GABRA1: variants seen among roughly 807,000 people sequenced by gnomAD.
GABRA1 encodes the protein gamma-aminobutyric acid receptor subunit alpha-1.
Under a neutral mutation model 48.9 loss-of-function variants are expected in GABRA1, and 9 were observed. The observed-to-expected ratio is 0.18, with a 90% confidence interval of 0.11 to 0.32. GABRA1 has a LOEUF of 0.32. GABRA1 is among the 10% of genes least tolerant of loss of function. The pLI, the probability that GABRA1 is intolerant of heterozygous loss-of-function variation, is 1.00. For synonymous variants in GABRA1, 210 were observed against 198.7 expected, an observed-to-expected ratio of 1.06 and a Z score of -0.48; for missense variants, 285 against 553.8, an observed-to-expected ratio of 0.51 and a Z score of 4.87.
intron 3 of GABRA1, among the ~76,000 whole-genome samples, chr5:161,865,369 A>C (rs987536138): frequency 2.6e-5 from 4 of 152,126 alleles, no homozygotes; most frequent in Non-Finnish European, 5.9e-5. Flanking sequence ...GCCATGTAAA[A>C]ATACTTAAGC....
chr5:161,865,220 G>A (rs1013989261), intron 3 of GABRA1, among the ~76,000 whole-genome samples: 1 of 152,068 alleles, frequency 6.6e-6, no homozygotes, highest in Admixed American at 6.6e-5. Context: ...GGGAATAATT[G>A]GATAACTCAG....
At chr5:161,896,059 G>A (rs1342926934) in intron 9 of GABRA1, among the ~76,000 whole-genome samples, 191 bp downstream of exon 9, 44 of 152,260 alleles carry the variant, frequency 2.9e-4, no homozygotes, top group Admixed American at 2.9e-3. Context: ...TAGGTGAATA[G>A]ATGTACAAAG....
rs531048088 is a variant in GABRA1 at position 161,861,414 on chromosome 5, C to T, written c.188-4307C>T. Among the ~76,000 whole-genome samples, 6 of 151,952 alleles carry T rather than the reference C, an allele frequency of 3.9e-5. No individual in the cohort carries two copies. In the East Asian group the frequency reaches 9.7e-4, roughly 25 times the overall value. ...TAGCCCTATGTCCATAGAAACTGCTCATATTACAGCATATGGAGGTAATTT... is the reference window on the plus strand; with the variant it reads ...TAGCCCTATGTCCATAGAAACTGCTTATATTACAGCATATGGAGGTAATTT... On this transcript the variant is annotated intron_variant, in intron 3 of 9. Coordinates refer to ENST00000393943, the MANE Select transcript of GABRA1 (RefSeq NM_001127644.2).
chr5:161,875,062 C>T (rs1356750970), intron 5 of GABRA1, among the ~76,000 whole-genome samples: 1 of 152,080 alleles, frequency 6.6e-6, no homozygotes, highest in East Asian at 1.9e-4. Context: ...CTCACAAAGC[C>T]TGAGGACACA....
chr5:161,897,666 G>A lies in GABRA1; in HGVS notation c.*244G>A. On this transcript the variant is annotated 3_prime_UTR_variant, in exon 10 of 10. Transcript: ENST00000393943. ...AGCAAAGTCATGTCAGAAGGAGACA[G>A]AATGAGAGAGAAAAGAGGGGGAAGA... 2 of 469,728 alleles carry A rather than the reference G, an allele frequency of 4.3e-6. No individual in the cohort carries two copies. Among genetic ancestry groups the A allele is most frequent in the South Asian group, 3.1e-5 (1 of 31,886 alleles). The allele number at this position is 469,728 out of a possible 1,614,324, so 29.1% of individuals were successfully genotyped here. A position where few individuals can be genotyped will look rare whatever the true frequency, so the allele number is the denominator to read the frequency against.
chr5:161,897,688 A>G lies in GABRA1; in HGVS notation c.*266A>G. ...ACAGAATGAGAGAGAAAAGAGGGGG[A>G]AGATGGTTCAAAGATACAAGAAAAA... On this transcript the variant is annotated 3_prime_UTR_variant, in exon 10 of 10. Transcript: ENST00000393943. 1 of 425,302 alleles carries G rather than the reference A, an allele frequency of 2.4e-6. No homozygotes were observed. Among genetic ancestry groups the G allele is most frequent in the Non-Finnish European group, 4.2e-6 (1 of 239,552 alleles). The allele number at this position is 425,302 out of a possible 1,614,324, so 26.3% of individuals were successfully genotyped here. A position where few individuals can be genotyped will look rare whatever the true frequency, so the allele number is the denominator to read the frequency against.
chr5:161,894,585 T>A (rs1254514850), intron 8 of GABRA1, among the ~76,000 whole-genome samples: 1 of 152,194 alleles, frequency 6.6e-6, no homozygotes, highest in Non-Finnish European at 1.5e-5. Flanking sequence ...GGATTGAGAC[T>A]AGTCACTGGA....
upstream of GABRA1, chr5:161,847,269 T>C (rs537839796): frequency 1.3e-5 from 2 of 152,210 alleles, no homozygotes; most frequent in South Asian, 2.1e-4. Flanking sequence ...CCTCTCCCTC[T>C]CCCATTTTCC....
chr5:161,885,462 C>A (rs1754803042), intron 7 of GABRA1, among the ~76,000 whole-genome samples: 1 of 152,114 alleles, frequency 6.6e-6, no homozygotes, highest in Non-Finnish European at 1.5e-5. Flanking sequence ...CTTTAAAATT[C>A]TCCCTGGAGA....
In GABRA1 at chr5:161,899,947, T is replaced by C. The variant is rs1301841968; in HGVS notation, c.*2525T>C. The C allele has an allele frequency of 1.3e-5, 2 of 152,204 alleles. No individual in the cohort carries two copies. The highest frequency in any genetic ancestry group is 4.8e-5 in the African/African-American group (2 of 41,454). The allele number at this position is 152,204 out of a possible 1,614,324, so 9.4% of individuals were successfully genotyped here. On this transcript the variant is annotated 3_prime_UTR_variant, in exon 10 of 10. Transcript: ENST00000393943. The stretch of plus-strand genomic sequence containing the variant: ...GAATAATAAAGCTAACATTATTCAA[T>C]AATAAAATGGAATACTTGACTCTCT...
chr5:161,899,441 G>A lies in GABRA1; in HGVS notation c.*2019G>A, dbSNP rs535774149. On this transcript the variant is annotated 3_prime_UTR_variant, in exon 10 of 10. Transcript: ENST00000393943. ...GTTGCTGTTTATCTTGTTATTTTTC[G>A]GCGTTATACTAATGTGTTTATTGAG... 4 of 151,976 alleles carry A rather than the reference G, an allele frequency of 2.6e-5. No individual in the cohort carries two copies. In the East Asian group the frequency reaches 5.8e-4, roughly 22 times the overall value. 9.4% of individuals were successfully genotyped at this position (151,976 alleles called of 1,614,324 possible).
intron 4 of GABRA1, among the ~76,000 whole-genome samples, chr5:161,868,656 G>A (rs546743889): frequency 3.3e-5 from 5 of 152,174 alleles, no homozygotes; most frequent in South Asian, 4.2e-4. Context: ...CTGGCACCTG[G>A]CATGGTGCTC....
chr5:161,891,462 T>A (rs763453925), intron 8 of GABRA1, among the ~76,000 whole-genome samples: 21 of 152,302 alleles, frequency 1.4e-4, no homozygotes, highest in Admixed American at 6.5e-4. Flanking sequence ...AAGCAGAGCT[T>A]CTTTAAGTAG....
rs1202096942 is a variant in GABRA1 at position 161,897,794 on chromosome 5, G to A, written c.*372G>A. ...TTCCAAATATTCTAAAAAAGATACT[G>A]TATATGTCAAAAATATTTTTATGTG... On this transcript the variant is annotated 3_prime_UTR_variant, in exon 10 of 10. Transcript: ENST00000393943. 1.7e-5 allele frequency: 3 copies of A among 171,950 alleles called. No individual in the cohort carries two copies. Among genetic ancestry groups the A allele is most frequent in the East Asian group, 1.7e-4 (1 of 5,988 alleles). 10.7% of individuals were successfully genotyped at this position (171,950 alleles called of 1,614,324 possible).
intron 3 of GABRA1, among the ~76,000 whole-genome samples, chr5:161,856,400 CT>C (rs1757645185): frequency 6.6e-6 from 1 of 151,292 alleles, no homozygotes; most frequent in Admixed American, 6.6e-5. Context: ...AGCTATCTTC[CT>C]TTTAGTGAAA....
intron 5 of GABRA1, among the ~76,000 whole-genome samples, chr5:161,874,743 T>C: frequency 6.6e-6 from 1 of 152,174 alleles, no homozygotes; most frequent in East Asian, 1.9e-4. Context: ...TAAATCTATC[T>C]TACTACGTTT....
chr5:161,867,151 C>A (rs2113359577), intron 4 of GABRA1, among the ~76,000 whole-genome samples: 1 of 152,200 alleles, frequency 6.6e-6, no homozygotes, highest in Non-Finnish European at 1.5e-5. Context: ...AGTCTGTAGA[C>A]CACTTTATTG....
intron 4 of GABRA1, among the ~76,000 whole-genome samples, chr5:161,866,272 A>G (rs1221001707): frequency 6.6e-6 from 1 of 152,160 alleles, no homozygotes; most frequent in East Asian, 1.9e-4. Context: ...ACCACCAGGA[A>G]ACATTCTGCT....
chr5:161,865,822 G>T (rs781471099), intron 4 of GABRA1, 34 bp downstream of exon 4: 4 of 1,578,428 alleles, frequency 2.5e-6, no homozygotes, highest in Admixed American at 3.3e-5. Flanking sequence ...TTTTCTTGAA[G>T]AATTTTTAAA....
Sources: allele counts gnomAD v4.1 joint callset (sites outside exome capture counted in the v4.1 genomes callset), GRCh38; gene constraint gnomAD v4.1.1; transcripts MANE v1.5; gene names NCBI Gene and HGNC (gene_info 2026-07-23, HGNC 2026-07-21).